CARMIL1: variants seen among roughly 807,000 people sequenced by gnomAD.
CARMIL1 encodes F-actin-uncapping protein LRRC16A.
A neutral mutation model predicts 177.1 loss-of-function variants in CARMIL1; 90 were observed. The ratio of observed to expected loss-of-function variants is 0.51; its 90% CI spans 0.43 to 0.61. CARMIL1 has a LOEUF of 0.61. Ranked by LOEUF, CARMIL1 falls within the 20% of genes least tolerant of loss-of-function variation. The pLI, the probability that CARMIL1 is intolerant of heterozygous loss-of-function variation, is 0.00. For missense variants in CARMIL1, 1,380 were observed against 1,667.0 expected, an observed-to-expected ratio of 0.83 and a Z score of 3.00; for synonymous variants, 577 against 606.2, an observed-to-expected ratio of 0.95 and a Z score of 0.71.
At chr6:25,333,792 T>C (rs1785933450) in intron 2 of CARMIL1, among the ~76,000 whole-genome samples, 1 of 152,180 alleles carries the variant, frequency 6.6e-6, no homozygotes, top group African/African-American at 2.4e-5. Context: ...CTGGCAAAAC[T>C]GGTAGGCTCC....
At chr6:25,525,364 T>A (rs929408280) in intron 23 of CARMIL1, among the ~76,000 whole-genome samples, 6 of 152,166 alleles carry the variant, frequency 3.9e-5, no homozygotes, top group African/African-American at 1.4e-4. Flanking sequence ...CCCAGCAGCC[T>A]AGAATTCTAT....
At chr6:25,488,305 G>C (rs1004082940) in intron 12 of CARMIL1, among the ~76,000 whole-genome samples, 177 bp from the exon 13 acceptor site, 3 of 152,220 alleles carry the variant, frequency 2.0e-5, no homozygotes, top group Non-Finnish European at 4.4e-5. Context: ...TGACCAACCT[G>C]TTCTTCCTGA....
At chr6:25,305,420 A>G (rs1034093875) in intron 2 of CARMIL1, among the ~76,000 whole-genome samples, 2 of 152,132 alleles carry the variant, frequency 1.3e-5, no homozygotes, top group East Asian at 3.8e-4. Context: ...TTTGGGTTTC[A>G]AAAGGTAAGA....
chr6:25,575,225 G>C (rs892509721), intron 29 of CARMIL1, among the ~76,000 whole-genome samples: 4 of 152,182 alleles, frequency 2.6e-5, no homozygotes, highest in African/African-American at 9.7e-5. Flanking sequence ...TGAAGTCATT[G>C]TAGCCCAAAT....
intron 24 of CARMIL1, among the ~76,000 whole-genome samples, chr6:25,533,725 T>C (rs182477842): frequency 6.6e-6 from 1 of 152,242 alleles, no homozygotes; most frequent in Admixed American, 6.5e-5. Context: ...TTTTCAAAGC[T>C]TTGTATTTAG....
intron 2 of CARMIL1, among the ~76,000 whole-genome samples, chr6:25,308,821 C>G (rs1245550989): frequency 6.6e-6 from 1 of 152,012 alleles, no homozygotes; most frequent in Non-Finnish European, 1.5e-5. Context: ...GCTCATTTTT[C>G]CTTCTTTGAA....
At chr6:25,464,340 C>T (rs547247039) in intron 8 of CARMIL1, among the ~76,000 whole-genome samples, 82 of 152,152 alleles carry the variant, frequency 5.4e-4, no homozygotes, top group Middle Eastern at 6.8e-3. Flanking sequence ...AGCCAGGGTT[C>T]TGACTGTAGT....
intron 23 of CARMIL1, among the ~76,000 whole-genome samples, chr6:25,522,485 T>C (rs212939): frequency 0.13 from 19,342 of 152,224 alleles, 1,281 homozygotes; most frequent in Middle Eastern, 0.17. Context: ...TTCACAAGCT[T>C]TCCTGGTGTT....
intron 29 of CARMIL1, among the ~76,000 whole-genome samples, chr6:25,557,063 G>C (rs976422545): frequency 2.6e-5 from 4 of 152,014 alleles, no homozygotes; most frequent in Admixed American, 6.6e-5. Context: ...TAGCCATAGT[G>C]GGAAAATTCC....
chr6:25,387,859 A>G (rs12526062), intron 2 of CARMIL1, among the ~76,000 whole-genome samples: 21,977 of 152,154 alleles, frequency 0.14, 1,801 homozygotes, highest in East Asian at 0.32. Context: ...CACCAGATGC[A>G]ACTATGGGCC....
chr6:25,400,235 T>A (rs1793774290), intron 2 of CARMIL1, among the ~76,000 whole-genome samples: 1 of 152,162 alleles, frequency 6.6e-6, no homozygotes, highest in African/African-American at 2.4e-5. Context: ...CCTAGCACGA[T>A]CCATGGTGCA....
intron 17 of CARMIL1, among the ~76,000 whole-genome samples, chr6:25,506,823 T>A (rs569796165): frequency 6.6e-6 from 1 of 152,232 alleles, no homozygotes; most frequent in African/African-American, 2.4e-5. Flanking sequence ...CTTATCTTTT[T>A]AAATGACAAA....
At chr6:25,440,955 G>T (rs1341334636) in intron 5 of CARMIL1, among the ~76,000 whole-genome samples, 1 of 152,016 alleles carries the variant, frequency 6.6e-6, no homozygotes, top group Non-Finnish European at 1.5e-5. Context: ...GGAGGAGTTA[G>T]ATCCTGGAAA....
At chr6:25,423,000 A>G (rs747752637) in intron 3 of CARMIL1, among the ~76,000 whole-genome samples, 1 of 152,218 alleles carries the variant, frequency 6.6e-6, no homozygotes, top group Non-Finnish European at 1.5e-5. Flanking sequence ...AAAGAAAGGC[A>G]GATTTTCTTC....
At chr6:25,400,739 T>C (rs1256271415) in intron 2 of CARMIL1, among the ~76,000 whole-genome samples, 1 of 152,210 alleles carries the variant, frequency 6.6e-6, no homozygotes, top group Non-Finnish European at 1.5e-5. Flanking sequence ...GCAACCTTCT[T>C]AGGGAAGGTA....
chr6:25,443,425 C>A (rs1241639199), intron 5 of CARMIL1, among the ~76,000 whole-genome samples: 1 of 152,068 alleles, frequency 6.6e-6, no homozygotes, highest in Non-Finnish European at 1.5e-5. Context: ...GTAAAATAGA[C>A]AAAAATCATG....
chr6:25,470,650 A>G (rs1801011749), intron 9 of CARMIL1, among the ~76,000 whole-genome samples: 1 of 152,232 alleles, frequency 6.6e-6, no homozygotes, highest in African/African-American at 2.4e-5. Context: ...CTTGAGGCAG[A>G]GAAGTCCAAG....
At position 25,586,248 on chromosome 6, in the gene CARMIL1, G is replaced by A. The variant is rs868143671; in HGVS notation, c.3006+4809G>A. 2.9e-3 allele frequency among the ~76,000 whole-genome samples: 441 copies of A among 150,598 alleles called. 5 individuals carry two copies. Among genetic ancestry groups the A allele is most frequent in the African/African-American group, 9.5e-3 (384 of 40,608 alleles). On this transcript the variant is annotated intron_variant, in intron 31 of 36. Coordinates refer to ENST00000329474, the MANE Select transcript of CARMIL1 (RefSeq NM_017640.6). ...TCCTCACTTCTCAGACGGGGTGGCCGGGCAGAGACGCTCCTCACCTCCCAG... is the reference window on the plus strand; with the variant it reads ...TCCTCACTTCTCAGACGGGGTGGCCAGGCAGAGACGCTCCTCACCTCCCAG...
chr6:25,457,358 A>C (rs1799629117), intron 8 of CARMIL1, among the ~76,000 whole-genome samples: 2 of 152,200 alleles, frequency 1.3e-5, no homozygotes, highest in Admixed American at 1.3e-4. Flanking sequence ...ATGAATGATC[A>C]AAAAATATAG....
Sources: allele counts gnomAD v4.1 joint callset (sites outside exome capture counted in the v4.1 genomes callset), GRCh38; gene constraint gnomAD v4.1.1; transcripts MANE v1.5; gene names NCBI Gene and HGNC (gene_info 2026-07-23, HGNC 2026-07-21).